The following CACNG4 variants were observed in gnomAD, a reference collection of about 807,000 sequenced individuals.
CACNG4 encodes the protein calcium voltage-gated channel auxiliary subunit gamma 4, also known as voltage-dependent calcium channel gamma-4 subunit.
Under a neutral mutation model 22.9 loss-of-function variants are expected in CACNG4, and 8 were observed. The ratio of observed to expected loss-of-function variants is 0.35; its 90% CI spans 0.21 to 0.63. The LOEUF is 0.63. Among genes scored for constraint, CACNG4 ranks in the 30% least tolerant of loss-of-function variants. The pLI, the probability that CACNG4 is intolerant of heterozygous loss-of-function variation, is 0.72. For synonymous variants in CACNG4, 188 were observed against 191.9 expected, an observed-to-expected ratio of 0.98 and a Z score of 0.17; for missense variants, 357 against 455.4, an observed-to-expected ratio of 0.78 and a Z score of 1.97.
chr17:67,020,168 G>C (rs1409504108), intron 2 of CACNG4: 1 of 152,454 alleles, frequency 6.6e-6, no homozygotes, highest in Non-Finnish European at 1.5e-5. Flanking sequence ...ACCTGCAGCT[G>C]GGCAGAACTC....
At chr17:67,020,034 G>A (rs926467335) in intron 2 of CACNG4, 1 of 152,362 alleles carries the variant, frequency 6.6e-6, no homozygotes, top group Middle Eastern at 3.1e-3. Context: ...CAATAGCCGG[G>A]AGCCCTTACC....
intron 2 of CACNG4, among the ~76,000 whole-genome samples, chr17:67,021,995 T>A (rs761768722): frequency 1.3e-5 from 2 of 151,778 alleles, no homozygotes; most frequent in Non-Finnish European, 2.9e-5. Flanking sequence ...TGGCAAGGCA[T>A]AGGTGCTTGT....
chr17:66,964,945 C>G lies in CACNG4; in HGVS notation c.34C>G (p.Leu12Val). 6.2e-7 allele frequency: 1 copy of G among 1,601,292 alleles called. No homozygotes were observed. ...VRCDRGLQML[L>V]TTAGAFAAFS... ...ATGCGACCGCGGGCTGCAGATGCTG[C>G]TGACCACGGCCGGAGCCTTCGCCGC... The change falls in exon 1 of 4, where the codon CTG (leucine) becomes GTG (valine). Residue 12 changes from leucine (L) to valine (V), a missense_variant. Leu to Val is a conservative substitution (Grantham distance 32). This residue lies in a region of CACNG4 where 114 missense variants were observed against 161.6 expected (regional missense o/e 0.71). Coordinates refer to ENST00000262138, the MANE Select transcript of CACNG4 (RefSeq NM_014405.4).
chr17:66,983,867 G>A (rs927438458), intron 1 of CACNG4, among the ~76,000 whole-genome samples: 3 of 152,152 alleles, frequency 2.0e-5, no homozygotes, highest in Admixed American at 6.5e-5. Context: ...TGATCATACT[G>A]TGTGTTTCCA....
chr17:66,979,011 G>A (rs927161708), intron 1 of CACNG4, among the ~76,000 whole-genome samples: 3 of 152,120 alleles, frequency 2.0e-5, no homozygotes, highest in East Asian at 1.9e-4. Context: ...GGCCTGCCCC[G>A]CACCCTCCTT....
intron 1 of CACNG4, among the ~76,000 whole-genome samples, chr17:66,978,504 A>G (rs1471702167): frequency 6.6e-6 from 1 of 152,148 alleles, no homozygotes; most frequent in Non-Finnish European, 1.5e-5. Context: ...CACAGGCAAG[A>G]AAAGGACACA....
intron 1 of CACNG4, among the ~76,000 whole-genome samples, chr17:66,976,102 C>A (rs1416410831): frequency 6.6e-6 from 1 of 152,154 alleles, no homozygotes; most frequent in African/African-American, 2.4e-5. Context: ...GAGAGCCCTG[C>A]CGCGTCAGGT....
intron 1 of CACNG4, 114 bp downstream of exon 1, chr17:66,965,245 C>T: frequency 1.5e-6 from 1 of 659,272 alleles, no homozygotes; most frequent in Non-Finnish European, 2.4e-6. Context: ...CTGCCCGGCG[C>T]GCGGGCCGGG....
chr17:66,972,219 C>G (rs892362174), intron 1 of CACNG4, among the ~76,000 whole-genome samples: 1 of 152,188 alleles, frequency 6.6e-6, no homozygotes, highest in Non-Finnish European at 1.5e-5. Context: ...ACACTACTGC[C>G]TGACACCCCA....
At chr17:66,982,045 G>A (rs1412925645) in intron 1 of CACNG4, among the ~76,000 whole-genome samples, 5 of 152,100 alleles carry the variant, frequency 3.3e-5, no homozygotes, top group African/African-American at 7.2e-5. Context: ...TTATGGGCTC[G>A]CTGACCTCAA....
At chr17:66,990,277 C>G (rs1325399834) in intron 1 of CACNG4, among the ~76,000 whole-genome samples, 1 of 152,238 alleles carries the variant, frequency 6.6e-6, no homozygotes, top group East Asian at 1.9e-4. Flanking sequence ...GAACTACCCA[C>G]AGTCCTTGCC....
At chr17:67,021,388 G>T (rs1045935402) in intron 2 of CACNG4, among the ~76,000 whole-genome samples, 1 of 152,202 alleles carries the variant, frequency 6.6e-6, no homozygotes, top group Non-Finnish European at 1.5e-5. Context: ...CATCTGCGTG[G>T]GCGTGGAGCA....
intron 1 of CACNG4, among the ~76,000 whole-genome samples, chr17:67,003,520 T>A (rs1040731992): frequency 6.6e-6 from 1 of 152,148 alleles, no homozygotes; most frequent in Non-Finnish European, 1.5e-5. Context: ...AAGACTCAGT[T>A]CTGTGCAGGA....
At chr17:67,021,138 C>T (rs1045578635) in intron 2 of CACNG4, among the ~76,000 whole-genome samples, 1 of 151,996 alleles carries the variant, frequency 6.6e-6, no homozygotes, top group Admixed American at 6.6e-5. Context: ...GAAGTTGAGG[C>T]TGCAGTGAGC....
intron 1 of CACNG4, among the ~76,000 whole-genome samples, chr17:67,001,706 C>T (rs939129089): frequency 6.6e-6 from 1 of 152,220 alleles, no homozygotes; most frequent in Non-Finnish European, 1.5e-5. Flanking sequence ...TACTAGACGA[C>T]CAAGTCTGCA....
intron 2 of CACNG4, among the ~76,000 whole-genome samples, chr17:67,021,143 G>A (rs1289852495): frequency 2.0e-5 from 3 of 152,110 alleles, no homozygotes; most frequent in Admixed American, 1.3e-4. Flanking sequence ...TGAGGCTGCA[G>A]TGAGCCACGA....
chr17:66,996,800 G>A (rs570178913), intron 1 of CACNG4, among the ~76,000 whole-genome samples: 1 of 152,314 alleles, frequency 6.6e-6, no homozygotes, highest in South Asian at 2.1e-4. Context: ...TAGAAATAAT[G>A]CAGGAGGTTA....
chr17:66,983,761 G>T (rs985524418), intron 1 of CACNG4, among the ~76,000 whole-genome samples: 1 of 152,196 alleles, frequency 6.6e-6, no homozygotes, highest in Non-Finnish European at 1.5e-5. Context: ...GTTTTGCAGG[G>T]GCTGCCACCC....
rs137947127 is a variant in CACNG4 at position 67,031,425 on chromosome 17, G to A, written c.*421G>A. 8.8e-4 allele frequency: 405 copies of A among 462,180 alleles called. 3 individuals carry two copies. Among genetic ancestry groups the A allele is most frequent in the African/African-American group, 7.3e-3 (370 of 50,452 alleles). The allele number at this position is 462,180 out of a possible 1,614,324, so 28.6% of individuals were successfully genotyped here. On this transcript the variant is annotated 3_prime_UTR_variant, in exon 4 of 4. Coordinates refer to ENST00000262138, the MANE Select transcript of CACNG4 (RefSeq NM_014405.4). This position sits in a 1 kb window ranked among gnomAD's most constrained non-coding sequence, Gnocchi z 4.0. The stretch of plus-strand genomic sequence containing the variant: ...TGTCGGGCCACCAGAAGGCTCTGCC[G>A]GACGCCAAGAAGACGGTCTCTGGGC...
Sources: gnomAD v4.1 joint callset for allele counts (sites outside exome capture counted in the v4.1 genomes callset) on GRCh38, gnomAD v4.1.1 for gene constraint, gnomAD v4.1.1 regional missense constraint, Gnocchi (gnomAD v3.1) non-coding constraint, MANE v1.5 for transcripts, NCBI Gene and HGNC (gene_info 2026-07-23, HGNC 2026-07-21) for gene names.